CNTNAP4: variants seen among roughly 807,000 people sequenced by gnomAD.
CNTNAP4 encodes contactin-associated protein-like 4.
In CNTNAP4, 98 loss-of-function variants were observed where a neutral mutation model predicts 148.4. The observed-to-expected ratio is 0.66, with a 90% CI of 0.56 to 0.78. The LOEUF (loss-of-function observed/expected upper bound fraction) is 0.78, where lower values mean the gene tolerates loss of function less well. CNTNAP4 is among the 30% of genes least tolerant of loss of function. CNTNAP4 has a pLI of 0.00. For missense variants in CNTNAP4, 1,935 were observed against 1,565.6 expected, an observed-to-expected ratio of 1.24 and a Z score of -3.98; for synonymous variants, 730 against 565.1, an observed-to-expected ratio of 1.29 and a Z score of -4.14.
intron 15 of CNTNAP4, among the ~76,000 whole-genome samples, chr16:76,516,701 A>G (rs532344624): frequency 6.6e-6 from 1 of 152,254 alleles, no homozygotes; most frequent in Admixed American, 6.5e-5. Context: ...TATCCATACC[A>G]TGGAATACTA....
At chr16:76,431,903 ATAAT>A (rs2079622816) in intron 4 of CNTNAP4, among the ~76,000 whole-genome samples, 1 of 152,126 alleles carries the variant, frequency 6.6e-6, no homozygotes, top group African/African-American at 2.4e-5. Context: ...GAAACAAGAG[ATAAT>A]TAATCCTGTT....
At chr16:76,314,027 A>G (rs903044778) in intron 1 of CNTNAP4, among the ~76,000 whole-genome samples, 24 of 152,354 alleles carry the variant, frequency 1.6e-4, no homozygotes, top group South Asian at 8.3e-4. Flanking sequence ...ATTTCATGAT[A>G]CACATGAGAT....
intron 1 of CNTNAP4, among the ~76,000 whole-genome samples, chr16:76,297,437 C>A (rs1446417044): frequency 6.6e-6 from 1 of 152,030 alleles, no homozygotes; most frequent in Non-Finnish European, 1.5e-5. Context: ...TATGTTGCAG[C>A]CCTAAAGAAT....
chr16:76,488,189 GA>G (rs1243120909), intron 12 of CNTNAP4, among the ~76,000 whole-genome samples: 2 of 152,074 alleles, frequency 1.3e-5, no homozygotes, highest in Non-Finnish European at 2.9e-5. Flanking sequence ...TCCAAATTTG[GA>G]AATGGAGGCT....
At position 76,504,946 on chromosome 16, in the gene CNTNAP4, C is replaced by CA. The variant is rs537858885; in HGVS notation, c.2365+6259dup. 3.5e-3 allele frequency among the ~76,000 whole-genome samples: 539 copies of CA among 151,938 alleles called. 2 individuals are homozygous for CA. The highest frequency in any genetic ancestry group is 0.012 in the African/African-American group (516 of 41,456). On this transcript the variant is annotated intron_variant, in intron 15 of 23. Coordinates refer to ENST00000611870, the MANE Select transcript of CNTNAP4 (RefSeq NM_033401.5). ...GTTAACATTTAACAAATAATAATAACAAAAAAACCCCAAAATATAACAAGT... is the reference window on the plus strand; with the variant it reads ...GTTAACATTTAACAAATAATAATAACAAAAAAAACCCCAAAATATAACAAGT...
At position 76,503,702 on chromosome 16, in the gene CNTNAP4, C is replaced by T. The variant is rs564226599; in HGVS notation, c.2365+5008C>T. The stretch of plus-strand genomic sequence containing the variant: ...CTTCCCCCCACCCCACAACAGGCCC[C>T]GGTGTGTGATGTTCCCCTTCCTGTG... On this transcript the variant is annotated intron_variant, in intron 15 of 23. Transcript: ENST00000611870. 3.3e-3 allele frequency among the ~76,000 whole-genome samples: 500 copies of T among 151,600 alleles called. 2 individuals are homozygous for T. Among genetic ancestry groups the T allele is most frequent in the African/African-American group, 0.012 (478 of 41,234 alleles).
chr16:76,392,884 G>C (rs2144778118), intron 3 of CNTNAP4, among the ~76,000 whole-genome samples: 1 of 152,300 alleles, frequency 6.6e-6, no homozygotes, highest in South Asian at 2.1e-4. Context: ...TGCAGCTGCA[G>C]GAGGGAAGTC....
intron 2 of CNTNAP4, among the ~76,000 whole-genome samples, chr16:76,336,999 C>G (rs1429720960): frequency 1.3e-5 from 2 of 152,186 alleles, no homozygotes; most frequent in Non-Finnish European, 2.9e-5. Context: ...ATCAAACTAA[C>G]CGCTGTCAAG....
chr16:76,449,824 T>C lies in CNTNAP4; in HGVS notation c.1037T>C (p.Leu346Ser). 1 of 1,608,602 alleles carries C rather than the reference T, an allele frequency of 6.2e-7. No homozygotes were observed. Reference sequence around the variant, plus strand: ...TATAATGGAGTGGATATCATTGATTTGGCCAAGCAGCAAAAACCACAGATC... The same window carrying C: ...TATAATGGAGTGGATATCATTGATTCGGCCAAGCAGCAAAAACCACAGATC... Reference protein sequence around the residue: ...LYYNGVDIIDLAKQQKPQIIA... With the variant: ...LYYNGVDIIDSAKQQKPQIIA... Residue 346 changes from leucine (L) to serine (S), a missense_variant, in exon 7 of 24, where the codon TTG becomes TCG. Coordinates refer to ENST00000611870, the MANE Select transcript of CNTNAP4 (RefSeq NM_033401.5).
intron 3 of CNTNAP4, among the ~76,000 whole-genome samples, chr16:76,424,528 C>G (rs886332236): frequency 3.4e-4 from 51 of 152,090 alleles, no homozygotes; most frequent in African/African-American, 1.2e-3. Context: ...CCGAGGCGGG[C>G]AGATCATTTG....
intron 3 of CNTNAP4, among the ~76,000 whole-genome samples, chr16:76,397,249 G>A (rs1229371315): frequency 6.6e-6 from 1 of 151,974 alleles, no homozygotes; most frequent in Non-Finnish European, 1.5e-5. Flanking sequence ...GCTGGGGTGG[G>A]GGTTGGTTGG....
At chr16:76,547,716 C>T (rs949033998) in intron 21 of CNTNAP4, among the ~76,000 whole-genome samples, 4 of 152,098 alleles carry the variant, frequency 2.6e-5, no homozygotes, top group African/African-American at 9.7e-5. Context: ...TATTTAGAGG[C>T]GATGACCCAT....
chr16:76,504,030 A>G (rs1010406262), intron 15 of CNTNAP4, among the ~76,000 whole-genome samples: 6 of 152,248 alleles, frequency 3.9e-5, no homozygotes, highest in African/African-American at 1.4e-4. Context: ...TTATATATAG[A>G]CTGAAAACTA....
rs752808281 is a variant in CNTNAP4 at position 76,540,788 on chromosome 16, T to C, written c.3440T>C (p.Leu1147Ser). 1 of 1,559,144 alleles carries C rather than the reference T, an allele frequency of 6.4e-7. No individual in the cohort carries two copies. The highest frequency in any genetic ancestry group is 1.9e-5 in the Admixed American group (1 of 53,112). Reference protein sequence around the residue: ...AVKSLVLGRILEHSDVDQDTA... With the variant: ...AVKSLVLGRISEHSDVDQDTA... ...AAATCTCTGGTATTGGGCAGGATTT[T>C]AGGTAAGTGAAAGAAACAACCTTTC... Residue 1147 changes from leucine to serine, a missense_variant and splice_region_variant, in exon 21 of 24, where the codon TTA (leucine) becomes TCA (serine). Transcript: ENST00000611870.
At chr16:76,420,310 G>A (rs376749709) in intron 3 of CNTNAP4, among the ~76,000 whole-genome samples, 2 of 71,972 alleles carry the variant, frequency 2.8e-5, no homozygotes, top group East Asian at 4.6e-4. Flanking sequence ...AACAGTTTTT[G>A]CTGCTATTTT....
At chr16:76,524,859 A>G (rs939299898) in intron 17 of CNTNAP4, among the ~76,000 whole-genome samples, 8 of 152,152 alleles carry the variant, frequency 5.3e-5, no homozygotes, top group Admixed American at 2.6e-4. Context: ...AAAAGGTGAC[A>G]TATACTGTTA....
At chr16:76,457,635 G>A (rs909551869) in intron 8 of CNTNAP4, among the ~76,000 whole-genome samples, 2 of 152,068 alleles carry the variant, frequency 1.3e-5, no homozygotes, top group African/African-American at 4.8e-5. Flanking sequence ...ATGGGTCCTG[G>A]ACCAGCACTG....
chr16:76,343,379 A>T (rs1964644125), intron 2 of CNTNAP4, among the ~76,000 whole-genome samples: 1 of 152,164 alleles, frequency 6.6e-6, no homozygotes, highest in African/African-American at 2.4e-5. Flanking sequence ...GAGCAAAATG[A>T]TATGTTTTTT....
chr16:76,537,368 G>A (rs980736061), intron 18 of CNTNAP4, among the ~76,000 whole-genome samples: 1 of 152,028 alleles, frequency 6.6e-6, no homozygotes, highest in Non-Finnish European at 1.5e-5. Flanking sequence ...TTTCAGTAAT[G>A]GAGAGAAGCA....
Sources: allele counts gnomAD v4.1 joint callset (sites outside exome capture counted in the v4.1 genomes callset), GRCh38; gene constraint gnomAD v4.1.1; transcripts MANE v1.5; gene names NCBI Gene and HGNC (gene_info 2026-07-23, HGNC 2026-07-21).